KSR1: variants seen among roughly 807,000 people sequenced by gnomAD.
The protein encoded by KSR1 is kinase suppressor of ras.
A neutral mutation model predicts 92.9 loss-of-function variants in KSR1; 35 were observed. The observed-to-expected ratio is 0.38, with a 90% confidence interval of 0.29 to 0.50. The LOEUF (loss-of-function observed/expected upper bound fraction) is 0.50, where lower values mean the gene tolerates loss of function less well. KSR1 is among the 20% of genes least tolerant of loss of function. The probability of loss-of-function intolerance (pLI) is 0.94; values close to 1 mark genes in which losing one functional copy is unlikely to be tolerated. For missense variants in KSR1, 972 were observed against 1,158.5 expected (o/e 0.84, Z 2.34); for synonymous variants, 467 against 472.6 (o/e 0.99, Z 0.15).
Position 27,609,190 on chromosome 17 carries a change from C to A in KSR1, c.2092-6C>A, listed in dbSNP as rs748435344. ...ACATCTTCACTCCTCCTGATGTGTC[C>A]TCCAGGGCATGGGATATCTTCATGC... On this transcript the variant is annotated splice_region_variant and splice_polypyrimidine_tract_variant and intron_variant, in intron 15 of 20. Transcript: ENST00000644974. 9 of 1,612,966 alleles carry A rather than the reference C, an allele frequency of 5.6e-6. No individual in the cohort carries two copies. In the South Asian group the frequency reaches 9.9e-5, roughly 18 times the overall value.
intron 1 of KSR1, among the ~76,000 whole-genome samples, chr17:27,475,094 G>A (rs1202702134): frequency 6.6e-6 from 1 of 152,158 alleles, no homozygotes; most frequent in East Asian, 1.9e-4. Flanking sequence ...AGGGCTCCAT[G>A]GGGATACAGC....
chr17:27,612,300 C>T (rs1436629483), intron 18 of KSR1, among the ~76,000 whole-genome samples: 1 of 152,206 alleles, frequency 6.6e-6, no homozygotes, highest in Non-Finnish European at 1.5e-5. Flanking sequence ...AAGAGGATTA[C>T]ACAATTATTT....
chr17:27,538,898 T>G (rs1274453041), intron 1 of KSR1, among the ~76,000 whole-genome samples: 2 of 152,224 alleles, frequency 1.3e-5, no homozygotes, highest in Non-Finnish European at 2.9e-5. Flanking sequence ...CCTGAGTTGC[T>G]AAGCCAACAG....
chr17:27,487,632 G>C (rs541571677), intron 1 of KSR1, among the ~76,000 whole-genome samples: 1 of 151,326 alleles, frequency 6.6e-6, no homozygotes, highest in Admixed American at 6.6e-5. Context: ...TCTGCAGGCT[G>C]TACAAGCATG....
At chr17:27,457,981 A>G (rs1597810945) in intron 1 of KSR1, among the ~76,000 whole-genome samples, 4 of 140,234 alleles carry the variant, frequency 2.9e-5, no homozygotes, top group African/African-American at 1.1e-4. Context: ...TAATTATTAC[A>G]AGACCAATCC....
chr17:27,466,587 A>G (rs2019709029), intron 1 of KSR1, among the ~76,000 whole-genome samples: 1 of 152,218 alleles, frequency 6.6e-6, no homozygotes, highest in South Asian at 2.1e-4. Flanking sequence ...AAAACAATCC[A>G]AGAGAAATGC....
rs73983458 is a variant in KSR1, at chr17:27,526,831, C to T, written c.232-23737C>T. On this transcript the variant is annotated intron_variant, in intron 1 of 20. Coordinates refer to ENST00000644974, the MANE Select transcript of KSR1 (RefSeq NM_001394583.1). ...TGGCGTGGTATTTGGGCTCCTCCTC[C>T]GGGGGGAGGGGTGGAAGGAGTGCTC... The T allele has an allele frequency of 1.6e-3, 1,221 of 774,604 alleles. 12 individuals carry two copies. The African/African-American group carries it at 0.018, about 11-fold the overall frequency. 48.0% of individuals were successfully genotyped at this position (774,604 alleles called of 1,614,324 possible). A position where few individuals can be genotyped will look rare whatever the true frequency, so the allele number is the denominator to read the frequency against.
chr17:27,605,278 C>T (rs1399264316), intron 13 of KSR1, among the ~76,000 whole-genome samples, 156 bp from the exon 14 acceptor site: 1 of 152,240 alleles, frequency 6.6e-6, no homozygotes, highest in African/African-American at 2.4e-5. Context: ...GCTAAGTGAG[C>T]TGCACAGCAG....
chr17:27,577,885 G>A lies in KSR1; in HGVS notation c.520+246G>A, dbSNP rs2072581340. ...AGCCATGGTTAGAAATCCCAGGCCT[G>A]TCTGCTGGGCTGGGCTGGCCTGGCA... On this transcript the variant is annotated intron_variant, in intron 3 of 20. Transcript: ENST00000644974. This position sits in a 1 kb window ranked among gnomAD's most constrained non-coding sequence, Gnocchi z 4.5. 1.6e-6 allele frequency: 1 copy of A among 645,154 alleles called. No homozygotes were observed. Among genetic ancestry groups the A allele is most frequent in the South Asian group, 1.7e-5 (1 of 60,210 alleles). 40.0% of individuals were successfully genotyped at this position (645,154 alleles called of 1,614,324 possible). A position where few individuals can be genotyped will look rare whatever the true frequency, so the allele number is the denominator to read the frequency against.
At chr17:27,514,942 CT>C (rs1490183869) in intron 1 of KSR1, among the ~76,000 whole-genome samples, 1 of 152,212 alleles carries the variant, frequency 6.6e-6, no homozygotes, top group African/African-American at 2.4e-5. Context: ...AAGCAATAGG[CT>C]TTCCCTTACA....
chr17:27,531,273 G>A (rs1185208843), intron 1 of KSR1, among the ~76,000 whole-genome samples: 2 of 152,266 alleles, frequency 1.3e-5, no homozygotes, highest in Non-Finnish European at 2.9e-5. Context: ...GTGCACAAAG[G>A]TGCAGAGTCC....
At chr17:27,496,772 T>A (rs1270229575) in intron 1 of KSR1, among the ~76,000 whole-genome samples, 1 of 152,236 alleles carries the variant, frequency 6.6e-6, no homozygotes, top group African/African-American at 2.4e-5. Flanking sequence ...CAGGGCCTCT[T>A]ACTTCTGTTA....
At position 27,605,698 on chromosome 17, in the gene KSR1, G is replaced by C; in HGVS notation, c.1879G>C (p.Asp627His). The change falls in exon 14 of 21, where the codon GAC becomes CAC. Residue 627 changes from aspartate (D) to histidine (H), a missense_variant. By Grantham distance (81) the Asp-to-His change is moderately conservative. Coordinates refer to ENST00000644974, the MANE Select transcript of KSR1 (RefSeq NM_001394583.1). ...RLLEMDGHNQ[D>H]HLKLFKKEVM... ...GCTGGAGATGGACGGCCACAACCAG[G>C]ACCACCTGAAGCTCTTCAAGAAAGA... 1.9e-6 allele frequency: 3 copies of C among 1,612,954 alleles called. No individual in the cohort carries two copies. Among genetic ancestry groups the C allele is most frequent in the South Asian group, 1.1e-5 (1 of 91,050 alleles).
intron 3 of KSR1, among the ~76,000 whole-genome samples, chr17:27,580,889 C>G (rs562173624): frequency 6.6e-6 from 1 of 152,134 alleles, no homozygotes; most frequent in Non-Finnish European, 1.5e-5. Context: ...GCCTCAGCCT[C>G]CCAAGTAGCT....
chr17:27,504,558 G>A (rs1431862520), intron 1 of KSR1, among the ~76,000 whole-genome samples: 1 of 152,122 alleles, frequency 6.6e-6, no homozygotes, highest in East Asian at 1.9e-4. Context: ...ACGGGGATGG[G>A]GCCTGGGCAG....
At position 27,456,841 on chromosome 17, in the gene KSR1, C is replaced by A. The variant is rs72481476; in HGVS notation, c.198C>A (p.Asn66Lys). ...RGLRTKCAVS[N>K]DLTQQEIRTL... ...TGCGCACCAAGTGCGCTGTGTCCAA[C>A]GACCTCACCCAGCAGGAGATACGGA... is the stretch of plus-strand genomic sequence containing the variant. Residue 66 changes from asparagine to lysine, a missense_variant, in exon 1 of 21, where the codon AAC (asparagine) becomes AAA (lysine). By Grantham distance (94) the Asn-to-Lys change is moderately conservative. Transcript: ENST00000644974. 1 of 1,212,192 alleles carries A rather than the reference C, an allele frequency of 8.2e-7. No homozygotes were observed. The highest frequency in any genetic ancestry group is 1.2e-5 in the South Asian group (1 of 83,404). The allele number at this position is 1,212,192 out of a possible 1,614,324, so 75.1% of individuals were successfully genotyped here. A position where few individuals can be genotyped will look rare whatever the true frequency, so the allele number is the denominator to read the frequency against.
chr17:27,523,585 A>G (rs902487572), intron 1 of KSR1, among the ~76,000 whole-genome samples: 2 of 152,196 alleles, frequency 1.3e-5, no homozygotes, highest in African/African-American at 4.8e-5. Flanking sequence ...TGGAGGGGAT[A>G]TTAGATAAAA....
intron 1 of KSR1, among the ~76,000 whole-genome samples, chr17:27,506,198 T>C (rs2069375188): frequency 1.3e-5 from 2 of 152,072 alleles, no homozygotes; most frequent in Admixed American, 6.5e-5. Context: ...ATAAGGTCGG[T>C]TTTGGGTTTT....
chr17:27,617,309 C>T lies in KSR1; in HGVS notation c.2508C>T (p.Ala836=), dbSNP rs370809559. 2.8e-5 allele frequency: 45 copies of T among 1,609,484 alleles called. No homozygotes were observed. In the African/African-American group the frequency reaches 6.0e-4, roughly 21 times the overall value. Residue 836 remains alanine (A), a synonymous_variant, in exon 19 of 21, where the codon GCC becomes GCT. Coordinates refer to ENST00000644974, the MANE Select transcript of KSR1 (RefSeq NM_001394583.1). ...TCCATTTGCAGGAGATCCTGTCGGCCTGCTGGGCTTTCGACCTGCAGGAGA... is the reference window on the plus strand; with the variant it reads ...TCCATTTGCAGGAGATCCTGTCGGCTTGCTGGGCTTTCGACCTGCAGGAGA... ...LGKEVSEILS[A]CWAFDLQERP... is the part of the protein sequence containing the mutation.
Sources: gnomAD v4.1 joint callset for allele counts (sites outside exome capture counted in the v4.1 genomes callset) on GRCh38, gnomAD v4.1.1 for gene constraint, Gnocchi (gnomAD v3.1) non-coding constraint, MANE v1.5 for transcripts, NCBI Gene and HGNC (gene_info 2026-07-23, HGNC 2026-07-21) for gene names.